The following RGS20 variants were observed in gnomAD, a reference collection of about 807,000 sequenced individuals.
RGS20 encodes regulator of G protein signaling 20, also known as gz-selective GTPase-activating protein.
RGS20 carries 30 observed loss-of-function variants against 33.6 expected under a neutral mutation model. The ratio of observed to expected loss-of-function variants is 0.89; its 90% CI spans 0.67 to 1.21. The LOEUF (loss-of-function observed/expected upper bound fraction) is 1.21. Ranked by LOEUF, RGS20 falls within the 50% of genes most tolerant of loss-of-function variation. RGS20 has a pLI of 0.00. For synonymous variants in RGS20, 208 were observed against 197.9 expected, an observed-to-expected ratio of 1.05 and a Z score of -0.43; for missense variants, 472 against 502.4, an observed-to-expected ratio of 0.94 and a Z score of 0.58.
At position 53,885,027 on chromosome 8, in the gene RGS20, AGCTG is replaced by A. The variant is rs551861557; in HGVS notation, c.510+5429_510+5432del. Among the ~76,000 whole-genome samples, 325 of 152,368 alleles carry A rather than the reference AGCTG, an allele frequency of 2.1e-3. 3 individuals carry two copies. Among genetic ancestry groups the A allele is most frequent in the African/African-American group, 6.5e-3 (270 of 41,584 alleles). On this transcript the variant is annotated intron_variant, in intron 2 of 5. Transcript: ENST00000297313. The stretch of plus-strand genomic sequence containing the variant: ...TCTTGAATTCTTAAAATATCCTTCC[AGCTG>A]GCTTTGAAGGTCTTTCCTATAAGAA...
intron 1 of RGS20, among the ~76,000 whole-genome samples, chr8:53,872,159 C>T (rs1812088897): frequency 1.3e-5 from 2 of 152,170 alleles, no homozygotes; most frequent in Admixed American, 6.5e-5. Context: ...CATCTGAAGT[C>T]CTGTTAATTC....
At chr8:53,922,348 GAT>G (rs1813671660) in intron 2 of RGS20, among the ~76,000 whole-genome samples, 1 of 152,162 alleles carries the variant, frequency 6.6e-6, no homozygotes, top group Admixed American at 6.5e-5. Flanking sequence ...GCTGTTGCCA[GAT>G]ATATATTTTT....
At chr8:53,925,331 T>G (rs556529088) in intron 2 of RGS20, among the ~76,000 whole-genome samples, 28 of 152,102 alleles carry the variant, frequency 1.8e-4, no homozygotes, top group Admixed American at 4.6e-4. Flanking sequence ...ACAATAGCTT[T>G]TTGGATGGAA....
In RGS20 at chr8:53,954,438, C is replaced by T. The variant is rs377606072; in HGVS notation, c.978+128C>T. The T allele has an allele frequency of 2.3e-4, 142 of 604,646 alleles. No individual in the cohort carries two copies. In the East Asian group the frequency reaches 3.2e-3, roughly 14 times the overall value. The allele number at this position is 604,646 out of a possible 1,614,324, so 37.5% of individuals were successfully genotyped here. Reference sequence around the variant, plus strand: ...CAGCACTTTGGGAGGCTGAGGCGGGCGGATCACCTGAGGTGAGGAGTTGGA... The same window carrying T: ...CAGCACTTTGGGAGGCTGAGGCGGGTGGATCACCTGAGGTGAGGAGTTGGA... On this transcript the variant is annotated intron_variant, in intron 5 of 5. Coordinates refer to ENST00000297313, the MANE Select transcript of RGS20 (RefSeq NM_170587.4).
At position 53,867,268 on chromosome 8, in the gene RGS20, T is replaced by TA. The variant is rs1300531797; in HGVS notation, c.166-11982dup. ...CACTCAAAAAAGAGAAGTTGTTTTTTAAAAAAAATATTCTGAGCAACTCCA... is the reference window on the plus strand; with the variant it reads ...CACTCAAAAAAGAGAAGTTGTTTTTTAAAAAAAAATATTCTGAGCAACTCCA... On this transcript the variant is annotated intron_variant, in intron 1 of 5. Coordinates refer to ENST00000297313, the MANE Select transcript of RGS20 (RefSeq NM_170587.4). 5.9e-5 allele frequency among the ~76,000 whole-genome samples: 9 copies of TA among 151,984 alleles called. No individual in the cohort carries two copies. The East Asian group carries it at 1.5e-3, about 26-fold the overall frequency.
intron 2 of RGS20, among the ~76,000 whole-genome samples, chr8:53,899,786 C>A (rs929894601): frequency 6.6e-6 from 1 of 152,178 alleles, no homozygotes; most frequent in Non-Finnish European, 1.5e-5. Context: ...GGTCATTTTG[C>A]CTCCAGTTCA....
intron 2 of RGS20, among the ~76,000 whole-genome samples, chr8:53,936,913 C>T (rs1814151872): frequency 6.6e-6 from 1 of 152,142 alleles, no homozygotes; most frequent in Non-Finnish European, 1.5e-5. Flanking sequence ...ACCAATGGAA[C>T]AGAACAGAGG....
At chr8:53,888,144 G>A (rs1228963586) in intron 2 of RGS20, among the ~76,000 whole-genome samples, 2 of 152,068 alleles carry the variant, frequency 1.3e-5, no homozygotes, top group East Asian at 3.9e-4. Context: ...CATAAAGAAA[G>A]GTATAGATAT....
intron 2 of RGS20, among the ~76,000 whole-genome samples, chr8:53,912,683 T>G (rs897011965): frequency 6.6e-6 from 1 of 152,188 alleles, no homozygotes; most frequent in Non-Finnish European, 1.5e-5. Flanking sequence ...TATATACATA[T>G]GTAGTGTGCA....
At chr8:53,883,107 TG>T (rs113899323) in intron 2 of RGS20, among the ~76,000 whole-genome samples, 1 of 152,192 alleles carries the variant, frequency 6.6e-6, no homozygotes, top group African/African-American at 2.4e-5. Flanking sequence ...CTAATTTTTT[TG>T]GGGGTCTCAT....
intron 2 of RGS20, chr8:53,880,962 C>A: frequency 2.5e-6 from 4 of 1,577,752 alleles, no homozygotes; most frequent in Non-Finnish European, 3.4e-6. Flanking sequence ...CAATCGCCGA[C>A]GTAGAGAGGG....
chr8:53,950,397 G>C (rs949920012), intron 4 of RGS20, among the ~76,000 whole-genome samples: 2 of 152,036 alleles, frequency 1.3e-5, no homozygotes, highest in East Asian at 1.9e-4. Context: ...GATTTTTTCA[G>C]ATTTCGGAAT....
At chr8:53,957,933 G>T (rs1814920186) in intron 5 of RGS20, among the ~76,000 whole-genome samples, 1 of 152,096 alleles carries the variant, frequency 6.6e-6, no homozygotes, top group South Asian at 2.1e-4. Context: ...GATAACCTGA[G>T]GTCAGGAGTT....
intron 2 of RGS20, among the ~76,000 whole-genome samples, chr8:53,917,513 G>A (rs888837687): frequency 6.6e-6 from 1 of 152,062 alleles, no homozygotes; most frequent in Non-Finnish European, 1.5e-5. Context: ...TTAAACTCCT[G>A]TTAAATGTAC....
intron 2 of RGS20, chr8:53,913,895 G>T (rs1211706385): frequency 1.3e-5 from 2 of 152,192 alleles, no homozygotes; most frequent in African/African-American, 4.8e-5. Flanking sequence ...AGAAATTGAG[G>T]TTTCTAATAA....
intron 2 of RGS20, among the ~76,000 whole-genome samples, chr8:53,885,404 G>C (rs775327613): frequency 5.9e-5 from 9 of 152,146 alleles, no homozygotes; most frequent in Non-Finnish European, 1.2e-4. Flanking sequence ...ACGAGGTCAG[G>C]ACATCGAGAC....
chr8:53,956,833 T>A (rs1814879326), intron 5 of RGS20, among the ~76,000 whole-genome samples: 1 of 152,142 alleles, frequency 6.6e-6, no homozygotes. Context: ...AGGTTTTTCA[T>A]CAATCTTTTA....
At chr8:53,921,515 C>G (rs763954826) in intron 2 of RGS20, among the ~76,000 whole-genome samples, 1 of 149,764 alleles carries the variant, frequency 6.7e-6, no homozygotes, top group Non-Finnish European at 1.5e-5. Context: ...TTTAAAATAA[C>G]TAACCAATCT....
At position 53,861,350 on chromosome 8, in the gene RGS20, G is replaced by A. The variant is rs140214959; in HGVS notation, c.165+9286G>A. Among the ~76,000 whole-genome samples, 1,396 of 152,288 alleles carry A rather than the reference G, an allele frequency of 9.2e-3. 21 individuals carry two copies. The highest frequency in any genetic ancestry group is 9.2e-3 in the Non-Finnish European group (627 of 68,032). On this transcript the variant is annotated intron_variant, in intron 1 of 5. Coordinates refer to ENST00000297313, the MANE Select transcript of RGS20 (RefSeq NM_170587.4). ...ACCCTCTGTCCTCTCTTGAGTCAGC[G>A]TGACCCAGTGTGGGTCATCGGATAA...
Sources: gnomAD v4.1 joint callset for allele counts (sites outside exome capture counted in the v4.1 genomes callset) on GRCh38, gnomAD v4.1.1 for gene constraint, MANE v1.5 for transcripts, NCBI Gene and HGNC (gene_info 2026-07-23, HGNC 2026-07-21) for gene names.